Variants in BAG1 observed in about 807,000 individuals in gnomAD.
BAG1 encodes the protein BAG family molecular chaperone regulator 1.
In BAG1, 35 loss-of-function variants were observed where a neutral mutation model predicts 35.5. That is an observed-to-expected ratio of 0.99 (90% confidence interval 0.75 to 1.31). The LOEUF is 1.31. BAG1 is among the 50% of genes most tolerant of loss of function. The pLI, the probability that BAG1 is intolerant of heterozygous loss-of-function variation, is 0.00. For synonymous variants in BAG1, 191 were observed against 178.9 expected, an observed-to-expected ratio of 1.07 and a Z score of -0.54; for missense variants, 464 against 453.6, an observed-to-expected ratio of 1.02 and a Z score of -0.21.
At chr9:33,263,501 C>T (rs960346585) in intron 1 of BAG1, among the ~76,000 whole-genome samples, 8 of 152,216 alleles carry the variant, frequency 5.3e-5, no homozygotes, top group African/African-American at 1.7e-4. Flanking sequence ...CAGTACATTA[C>T]ACCAAGGTTT....
rs760236330 is a variant in BAG1 at position 33,264,528 on chromosome 9, G to A, written c.147C>T (p.Ala49=). The change falls in exon 1 of 7, where the codon GCC becomes GCT. Residue 49 remains alanine (A), a synonymous_variant. Coordinates refer to ENST00000634734, the MANE Select transcript of BAG1 (RefSeq NM_004323.6). ...GGTCATGCCCGCTGGCAGTACTCCGGGCAGGTGGACGCCCAGAGGGAGGCG... is the reference window on the plus strand; with the variant it reads ...GGTCATGCCCGCTGGCAGTACTCCGAGCAGGTGGACGCCCAGAGGGAGGCG... The A allele has an allele frequency of 3.2e-6, 5 of 1,580,248 alleles. No homozygotes were observed. Among genetic ancestry groups the A allele is most frequent in the Admixed American group, 1.8e-5 (1 of 55,604 alleles).
intron 5 of BAG1, 24 bp downstream of exon 5, chr9:33,256,777 C>T: frequency 6.3e-7 from 1 of 1,576,388 alleles, no homozygotes; most frequent in Non-Finnish European, 8.7e-7. Context: ...AAAACTAGTT[C>T]TTCTCAGCTG....
intron 2 of BAG1, chr9:33,262,183 A>G (rs528815933): frequency 7.8e-7 from 1 of 1,289,746 alleles, no homozygotes; most frequent in African/African-American, 1.5e-5. Context: ...CAAATCTGAC[A>G]CCTGTCCAGG....
At chr9:33,256,004 G>A (rs1290088522) in intron 5 of BAG1, 77 bp from the exon 6 acceptor site, 31 of 1,378,842 alleles carry the variant, frequency 2.2e-5, no homozygotes, top group Non-Finnish European at 2.6e-5. Context: ...AAAATGACAT[G>A]AGAGCACATA....
chr9:33,264,648 T>C lies in BAG1; in HGVS notation c.27A>G (p.Arg9=). The C allele has an allele frequency of 1.5e-6, 2 of 1,344,284 alleles. No individual in the cohort carries two copies. Among genetic ancestry groups the C allele is most frequent in the Non-Finnish European group, 1.9e-6 (2 of 1,056,262 alleles). 83.3% of individuals were successfully genotyped at this position (1,344,284 alleles called of 1,614,324 possible). ...CCAGCCGCTCCCGGTCGCCTCGCGG[T>C]CTCCGCGCCCCCCCGCGCTGAGCCA... The change falls in exon 1 of 7, where the codon AGA becomes AGG. Residue 9 remains arginine, a synonymous_variant. Coordinates refer to ENST00000634734, the MANE Select transcript of BAG1 (RefSeq NM_004323.6).
intron 2 of BAG1, chr9:33,261,969 C>G (rs1820580297): frequency 1.7e-6 from 2 of 1,186,564 alleles, no homozygotes; most frequent in Admixed American, 6.8e-5. Flanking sequence ...TCTCCACCCT[C>G]ACGGAGGCTG....
intron 5 of BAG1, among the ~76,000 whole-genome samples, chr9:33,256,587 G>A (rs1820457948): frequency 6.6e-6 from 1 of 152,164 alleles, no homozygotes; most frequent in Non-Finnish European, 1.5e-5. Flanking sequence ...AAAGTCCTAT[G>A]CTGGAGGGCT....
chr9:33,260,673 T>C (rs1442990408), intron 3 of BAG1, among the ~76,000 whole-genome samples: 1 of 152,220 alleles, frequency 6.6e-6, no homozygotes, highest in Non-Finnish European at 1.5e-5. Context: ...GAGATTTTAG[T>C]TAAAAGGTTG....
At chr9:33,261,239 A>T in intron 2 of BAG1, 70 bp from the exon 3 acceptor site, 1 of 1,206,274 alleles carries the variant, frequency 8.3e-7, no homozygotes, top group Non-Finnish European at 1.2e-6. Flanking sequence ...TCAGCAGGAT[A>T]CAGGAAATAG....
Position 33,264,675 on chromosome 9 carries a change from GC to G in BAG1, c.-2del. ...TCCGCGCCCCCCCGCGCTGAGCCAG[GC>G]CCGCACTTGTTGACCGCCCAGCGAT... On this transcript the variant is annotated 5_prime_UTR_variant, in exon 1 of 7. Transcript: ENST00000634734. The G allele has an allele frequency of 7.4e-7, 1 of 1,356,760 alleles. No homozygotes were observed. Among genetic ancestry groups the G allele is most frequent in the Non-Finnish European group, 9.4e-7 (1 of 1,062,334 alleles). 84.0% of individuals were successfully genotyped at this position (1,356,760 alleles called of 1,614,324 possible).
At chr9:33,264,169 GA>G (rs1182620787) in intron 1 of BAG1, 54 bp downstream of exon 1, 4 of 1,526,760 alleles carry the variant, frequency 2.6e-6, no homozygotes, top group Non-Finnish European at 3.5e-6. Context: ...TAAACCCACA[GA>G]CCCCGCCGGG....
chr9:33,262,877 A>G (rs1820607495), intron 1 of BAG1, 47 bp from the exon 2 acceptor site: 2 of 1,605,806 alleles, frequency 1.2e-6, no homozygotes, highest in African/African-American at 1.3e-5. Context: ...TTTCACATAC[A>G]CCAATATAGG....
chr9:33,261,045 G>A, intron 3 of BAG1, 42 bp downstream of exon 3: 4 of 1,533,232 alleles, frequency 2.6e-6, no homozygotes, highest in Non-Finnish European at 3.6e-6. Context: ...AAAGACTTCA[G>A]TCATTTGATT....
Position 33,261,159 on chromosome 9 carries a change from C to T in BAG1, c.591G>A (p.Leu197=), listed in dbSNP as rs367846351. The change falls in exon 3 of 7, where the codon CTG becomes CTA. Residue 197 remains leucine, a synonymous_variant. Coordinates refer to ENST00000634734, the MANE Select transcript of BAG1 (RefSeq NM_004323.6). ...CTGACAACGGTGTTTCCATTTCCTT[C>T]AGAGATTTTCCTAAAAAGAGGAGAA... 4.4e-6 allele frequency: 7 copies of T among 1,608,636 alleles called. No homozygotes were observed. In the African/African-American group the frequency reaches 8.0e-5, roughly 18 times the overall value.
In BAG1 at chr9:33,255,121, C is replaced by T. The variant is rs781410102; in HGVS notation, c.*98G>A. ...GGAAAATTGGCAAATGGCCAGTTGC[C>T]CCCAGCAGCCCTGAAGAAATCAGGT... On this transcript the variant is annotated 3_prime_UTR_variant, in exon 7 of 7. Coordinates refer to ENST00000634734, the MANE Select transcript of BAG1 (RefSeq NM_004323.6). 2.5e-6 allele frequency: 4 copies of T among 1,612,384 alleles called. No homozygotes were observed. The African/African-American group carries it at 4.0e-5, about 16-fold the overall frequency.
At chr9:33,261,055 T>C in intron 3 of BAG1, 32 bp downstream of exon 3, 1 of 1,558,134 alleles carries the variant, frequency 6.4e-7, no homozygotes, top group Non-Finnish European at 8.8e-7. Flanking sequence ...GTCATTTGAT[T>C]CTGAGGATTT....
chr9:33,261,951 C>T, intron 2 of BAG1: 1 of 985,428 alleles, frequency 1.0e-6, no homozygotes, highest in Middle Eastern at 5.2e-4. Context: ...ACTGGAAACA[C>T]AGCAGTATCT....
chr9:33,264,430 C>G lies in BAG1; in HGVS notation c.245G>C (p.Arg82Pro). The G allele has an allele frequency of 4.3e-6, 7 of 1,612,418 alleles. No homozygotes were observed. The highest frequency in any genetic ancestry group is 5.9e-6 in the Non-Finnish European group (7 of 1,179,344). ...CTCGCTCCGGGTCAACTCCTCGCTC[C>G]GGGTCGAGCGGCGCCGGGTTTTCTT... is the stretch of plus-strand genomic sequence containing the variant. Residue 82 changes from arginine (R) to proline (P), a missense_variant, in exon 1 of 7, where the codon CGG (arginine) becomes CCG (proline). By Grantham distance (103) the Arg-to-Pro change is moderately radical. Transcript: ENST00000634734.
chr9:33,255,259 G>T lies in BAG1; in HGVS notation c.998C>A (p.Thr333Asn). 6.2e-7 allele frequency: 1 copy of T among 1,614,220 alleles called. No homozygotes were observed. Among genetic ancestry groups the T allele is most frequent in the Middle Eastern group, 1.6e-4 (1 of 6,062 alleles). Reference sequence around the variant, plus strand: ...AAAGTTTGTAGACTGCAGCCGCTCAGTCTCCTGGCAGATGTTCTGCTCCAC... The same window carrying T: ...AAAGTTTGTAGACTGCAGCCGCTCATTCTCCTGGCAGATGTTCTGCTCCAC... Residue 333 changes from threonine (T) to asparagine (N), a missense_variant, in exon 7 of 7, where the codon ACT becomes AAT. Transcript: ENST00000634734.
Sources: allele counts gnomAD v4.1 joint callset (sites outside exome capture counted in the v4.1 genomes callset), GRCh38; gene constraint gnomAD v4.1.1; transcripts MANE v1.5; gene names NCBI Gene and HGNC (gene_info 2026-07-23, HGNC 2026-07-21).